The following GRM5 variants were observed in gnomAD, a reference collection of about 807,000 sequenced individuals.
GRM5 encodes glutamate metabotropic receptor 5, also known as metabotropic glutamate receptor 5.
A neutral mutation model predicts 83.1 loss-of-function variants in GRM5; 19 were observed. The ratio of observed to expected loss-of-function variants is 0.23; its 90% CI spans 0.16 to 0.34. The LOEUF is 0.34. Among genes scored for constraint, GRM5 ranks in the 10% least tolerant of loss-of-function variants. The pLI is 1.00. For synonymous variants in GRM5, 675 were observed against 633.6 expected (o/e 1.07, Z -0.98); for missense variants, 1,160 against 1,588.3 (o/e 0.73, Z 4.58).
At chr11:88,907,533 T>G (rs1342953698) in intron 2 of GRM5, among the ~76,000 whole-genome samples, 5 of 152,326 alleles carry the variant, frequency 3.3e-5, no homozygotes, top group South Asian at 2.1e-4. Context: ...CACTAAATAT[T>G]TGTATGACTT....
intron 2 of GRM5, among the ~76,000 whole-genome samples, chr11:88,965,280 G>C (rs1938917835): frequency 6.6e-6 from 1 of 152,138 alleles, no homozygotes. Context: ...GATTTCTGGT[G>C]AGAGGCCTCT....
intron 7 of GRM5, among the ~76,000 whole-genome samples, chr11:88,573,970 G>A (rs1441399533): frequency 6.6e-6 from 1 of 152,088 alleles, no homozygotes; most frequent in Non-Finnish European, 1.5e-5. Context: ...CCATAATTCA[G>A]AGAATTTGAA....
At chr11:88,749,614 A>G (rs1479578821) in intron 3 of GRM5, among the ~76,000 whole-genome samples, 2 of 152,102 alleles carry the variant, frequency 1.3e-5, no homozygotes, top group African/African-American at 4.8e-5. Flanking sequence ...TACTCCACAA[A>G]AATATCAAGC....
intron 3 of GRM5, among the ~76,000 whole-genome samples, chr11:88,690,568 G>A (rs61902935): frequency 0.13 from 19,255 of 151,908 alleles, 1,601 homozygotes; most frequent in Middle Eastern, 0.19. Flanking sequence ...TCATAATTTG[G>A]CATTGATAGG....
intron 2 of GRM5, among the ~76,000 whole-genome samples, chr11:88,977,288 C>T (rs1939373982): frequency 6.6e-6 from 1 of 152,066 alleles, no homozygotes; most frequent in Non-Finnish European, 1.5e-5. Context: ...TCTCAGCTCA[C>T]TGCAAGCTCC....
chr11:88,628,680 A>C (rs1434590234), intron 4 of GRM5, among the ~76,000 whole-genome samples: 1 of 152,220 alleles, frequency 6.6e-6, no homozygotes, highest in Non-Finnish European at 1.5e-5. Context: ...GCTGCTGTCC[A>C]TCAGGAGCAG....
intron 3 of GRM5, among the ~76,000 whole-genome samples, chr11:88,787,303 T>A (rs2135470400): frequency 6.6e-6 from 1 of 151,982 alleles, no homozygotes; most frequent in East Asian, 1.9e-4. Flanking sequence ...ATGGAGTAAC[T>A]GTTAAAAAAT....
intron 3 of GRM5, among the ~76,000 whole-genome samples, chr11:88,750,344 G>A (rs1942242348): frequency 6.6e-6 from 1 of 152,074 alleles, no homozygotes; most frequent in Admixed American, 6.6e-5. Flanking sequence ...GACAAATAAG[G>A]GCATTACATA....
At chr11:88,559,999 T>C (rs1942717425) in intron 8 of GRM5, among the ~76,000 whole-genome samples, 1 of 151,418 alleles carries the variant, frequency 6.6e-6, no homozygotes, top group East Asian at 2.0e-4. Context: ...CAAGTGAGAG[T>C]TGAGGGTGAG....
chr11:88,538,924 G>C (rs1265256620), intron 8 of GRM5, among the ~76,000 whole-genome samples: 1 of 152,176 alleles, frequency 6.6e-6, no homozygotes, highest in East Asian at 1.9e-4. Flanking sequence ...GTTAAACCTA[G>C]TTCTGTCTTT....
intron 4 of GRM5, among the ~76,000 whole-genome samples, chr11:88,627,984 C>T (rs16914364): frequency 0.019 from 2,832 of 152,236 alleles, 88 homozygotes; most frequent in African/African-American, 0.064. Flanking sequence ...GCATTCCCAG[C>T]CTTATTTGTT....
chr11:88,683,680 A>G (rs530478628), intron 3 of GRM5, among the ~76,000 whole-genome samples: 1 of 152,250 alleles, frequency 6.6e-6, no homozygotes, highest in East Asian at 1.9e-4. Context: ...GTGAAATTCA[A>G]CATCTACTTT....
chr11:88,663,642 C>G (rs1939962023), intron 3 of GRM5, among the ~76,000 whole-genome samples: 1 of 152,192 alleles, frequency 6.6e-6, no homozygotes, highest in Admixed American at 6.5e-5. Flanking sequence ...CCTTCTTCCA[C>G]TGAATTGGAC....
Position 88,962,696 on chromosome 11 carries a change from T to A in GRM5, c.661+84516A>T, listed in dbSNP as rs550396084. Among the ~76,000 whole-genome samples the A allele has an allele frequency of 4.6e-5, 7 of 152,236 alleles. No individual in the cohort carries two copies. The East Asian group carries it at 1.4e-3, about 29-fold the overall frequency. On this transcript the variant is annotated intron_variant, in intron 2 of 9. Transcript: ENST00000305447. ...GAACACTAAAATGAGTAAGACGTAC[T>A]CTAACCTACAGTATCTTACAGTCTG...
intron 3 of GRM5, among the ~76,000 whole-genome samples, chr11:88,766,617 G>A (rs976066350): frequency 6.6e-6 from 1 of 152,030 alleles, no homozygotes; most frequent in African/African-American, 2.4e-5. Context: ...AGATAACCTA[G>A]GCAATCGCAT....
intron 3 of GRM5, among the ~76,000 whole-genome samples, chr11:88,828,534 T>C (rs1279121050): frequency 6.6e-6 from 1 of 151,966 alleles, no homozygotes; most frequent in African/African-American, 2.4e-5. Flanking sequence ...AAGACAAAAA[T>C]ATAAAATGTT....
intron 3 of GRM5, among the ~76,000 whole-genome samples, chr11:88,711,211 C>A (rs1941273074): frequency 6.6e-6 from 1 of 152,042 alleles, no homozygotes; most frequent in East Asian, 1.9e-4. Context: ...GTGAAAGGAA[C>A]ACAGACAGCC....
At chr11:88,828,768 A>G (rs1319106868) in intron 3 of GRM5, among the ~76,000 whole-genome samples, 1 of 152,070 alleles carries the variant, frequency 6.6e-6, no homozygotes, top group African/African-American at 2.4e-5. Flanking sequence ...GAAAACTACA[A>G]ATATTAAATA....
intron 3 of GRM5, among the ~76,000 whole-genome samples, chr11:88,666,971 C>A (rs140219190): frequency 6.6e-6 from 1 of 151,972 alleles, no homozygotes; most frequent in African/African-American, 2.4e-5. Flanking sequence ...CAACCCCATC[C>A]CAATCATTAG....
Sources: allele counts gnomAD v4.1 joint callset (sites outside exome capture counted in the v4.1 genomes callset), GRCh38; gene constraint gnomAD v4.1.1; transcripts MANE v1.5; gene names NCBI Gene and HGNC (gene_info 2026-07-23, HGNC 2026-07-21).